The following DENND2C variants were observed in gnomAD, a reference collection of about 807,000 sequenced individuals.
DENND2C encodes the protein DENN domain-containing protein 2C.
A neutral mutation model predicts 112.4 loss-of-function variants in DENND2C; 72 were observed. The observed-to-expected ratio is 0.64, with a 90% CI of 0.53 to 0.78. The LOEUF is 0.78. DENND2C is among the 30% of genes least tolerant of loss of function. The pLI, the probability that DENND2C is intolerant of heterozygous loss-of-function variation, is 0.00. For synonymous variants in DENND2C, 329 were observed against 381.6 expected (o/e 0.86, Z 1.61); for missense variants, 992 against 1,113.8 (o/e 0.89, Z 1.56).
intron 19 of DENND2C, 49 bp from the exon 20 acceptor site, chr1:114,587,522 G>C (rs1201619339): frequency 1.9e-5 from 31 of 1,594,160 alleles, no homozygotes; most frequent in Non-Finnish European, 2.4e-5. Flanking sequence ...CTCCAGACTG[G>C]GAATTACATA....
intron 1 of DENND2C, among the ~76,000 whole-genome samples, chr1:114,668,331 T>C (rs777996885): frequency 6.6e-6 from 1 of 152,102 alleles, no homozygotes; most frequent in Non-Finnish European, 1.5e-5. Flanking sequence ...ACTAGTAACT[T>C]TCCCTCTACT....
rs767066128 is a variant in DENND2C, at chr1:114,608,707, G to A, written c.1536C>T (p.Val512=). The A allele has an allele frequency of 6.8e-6, 11 of 1,614,064 alleles. No homozygotes were observed. The highest frequency in any genetic ancestry group is 9.3e-6 in the Non-Finnish European group (11 of 1,180,008). Residue 512 remains valine (V), a synonymous_variant, in exon 10 of 21, where the codon GTC becomes GTT. Transcript: ENST00000393274. ...KPSGISYIPQ[V]IQQFPGKDDH... Reference sequence around the variant, plus strand: ...CTACCTTGCCAGGGAATTGTTGTATGACCTGGGGAATATAGCTTATTCCTG... The same window carrying A: ...CTACCTTGCCAGGGAATTGTTGTATAACCTGGGGAATATAGCTTATTCCTG...
At chr1:114,591,801 G>A (rs901143985) in intron 18 of DENND2C, among the ~76,000 whole-genome samples, 1 of 151,148 alleles carries the variant, frequency 6.6e-6, no homozygotes, top group Non-Finnish European at 1.5e-5. Flanking sequence ...TTTCTGTATA[G>A]TGTGAGGTGT....
chr1:114,648,831 CCA>C (rs1400778879), intron 2 of DENND2C, among the ~76,000 whole-genome samples: 3 of 152,136 alleles, frequency 2.0e-5, no homozygotes, highest in Admixed American at 6.5e-5. Context: ...CTACAAAATG[CCA>C]CAGTGTGGAA....
rs1281128434 is a variant in DENND2C at position 114,645,516 on chromosome 1, G to A, written c.-273C>T. 6.6e-6 allele frequency: 1 copy of A among 152,100 alleles called. No homozygotes were observed. The highest frequency in any genetic ancestry group is 2.4e-5 in the African/African-American group (1 of 41,414). The allele number at this position is 152,100 out of a possible 1,614,324, so 9.4% of individuals were successfully genotyped here. ...GTGAGAATATCAATCTCTGGCGTTT[G>A]AACCACTCAATCTGCGGTATTTGGT... On this transcript the variant is annotated 5_prime_UTR_variant, in exon 3 of 21. Coordinates refer to ENST00000393274, the MANE Select transcript of DENND2C (RefSeq NM_001256404.2).
At chr1:114,636,043 AAT>A (rs975034509) in intron 3 of DENND2C, among the ~76,000 whole-genome samples, 5 of 149,944 alleles carry the variant, frequency 3.3e-5, no homozygotes, top group African/African-American at 1.2e-4. Context: ...AAAAATATAT[AAT>A]ATATATATAA....
intron 3 of DENND2C, among the ~76,000 whole-genome samples, chr1:114,626,777 G>A (rs948685337): frequency 6.6e-6 from 1 of 151,928 alleles, no homozygotes; most frequent in Non-Finnish European, 1.5e-5. Flanking sequence ...CTCCAAAAGT[G>A]CTGGGATTAC....
At chr1:114,638,028 A>T (rs1656704357) in intron 3 of DENND2C, among the ~76,000 whole-genome samples, 1 of 152,208 alleles carries the variant, frequency 6.6e-6, no homozygotes, top group African/African-American at 2.4e-5. Context: ...TGGAGGGCAT[A>T]GACTACCTGA....
chr1:114,591,627 T>C (rs1292399659), intron 18 of DENND2C, among the ~76,000 whole-genome samples: 1 of 152,124 alleles, frequency 6.6e-6, no homozygotes, highest in African/African-American at 2.4e-5. Flanking sequence ...TTTAACACAG[T>C]CAAATTAACC....
rs200765223 is a variant in DENND2C, at chr1:114,600,202, A to G, written c.2105+2T>C. 2.5e-6 allele frequency: 4 copies of G among 1,613,014 alleles called. No individual in the cohort carries two copies. ...AAGTAACATATTTCACTTATTTCTT[A>G]CCTTAGGCTGTTGGCAACAAAGATT... On this transcript the variant is annotated splice_donor_variant, in intron 15 of 20. Coordinates refer to ENST00000393274, the MANE Select transcript of DENND2C (RefSeq NM_001256404.2). LOFTEE classifies it high-confidence loss of function.
intron 2 of DENND2C, among the ~76,000 whole-genome samples, chr1:114,647,161 T>TA (rs55989344): frequency 0.48 from 66,406 of 139,224 alleles, 16,319 homozygotes; most frequent in South Asian, 0.58. Context: ...GATTCTATCT[T>TA]AAAAAAAAAA....
At chr1:114,642,150 CCT>C (rs1456422091) in intron 3 of DENND2C, among the ~76,000 whole-genome samples, 1 of 152,028 alleles carries the variant, frequency 6.6e-6, no homozygotes, top group African/African-American at 2.4e-5. Context: ...CGGGTTTCAC[CCT>C]GTTGGGCCGG....
chr1:114,668,857 G>A (rs944598229), intron 1 of DENND2C, among the ~76,000 whole-genome samples: 2 of 152,078 alleles, frequency 1.3e-5, no homozygotes, highest in Non-Finnish European at 2.9e-5. Flanking sequence ...TCTTGATTTG[G>A]AACAATATTC....
rs1028476697 is a variant in DENND2C, at chr1:114,645,487, A to C, written c.-244T>G. The C allele has an allele frequency of 3.3e-5, 5 of 152,190 alleles. No individual in the cohort carries two copies. The highest frequency in any genetic ancestry group is 4.1e-4 in the South Asian group (2 of 4,830). 9.4% of individuals were successfully genotyped at this position (152,190 alleles called of 1,614,324 possible). Reference sequence around the variant, plus strand: ...GATGTTAGATTTCTACAGCCTCCAGACTTGTGAGAATATCAATCTCTGGCG... The same window carrying C: ...GATGTTAGATTTCTACAGCCTCCAGCCTTGTGAGAATATCAATCTCTGGCG... On this transcript the variant is annotated 5_prime_UTR_variant, in exon 3 of 21. Transcript: ENST00000393274.
intron 18 of DENND2C, among the ~76,000 whole-genome samples, chr1:114,590,639 G>A (rs1655159233): frequency 1.3e-5 from 2 of 151,856 alleles, no homozygotes; most frequent in South Asian, 4.2e-4. Flanking sequence ...TTAGCCGGGC[G>A]AGGTGGCAGG....
intron 14 of DENND2C, 46 bp from the exon 15 acceptor site, chr1:114,600,398 A>G (rs1323213430): frequency 6.2e-7 from 1 of 1,610,304 alleles, no homozygotes; most frequent in African/African-American, 1.3e-5. Context: ...TTGGAAAACA[A>G]TCCCTAGTGC....
chr1:114,648,507 A>G (rs1657060453), intron 2 of DENND2C, among the ~76,000 whole-genome samples: 1 of 152,194 alleles, frequency 6.6e-6, no homozygotes, highest in East Asian at 1.9e-4. Context: ...GCTGTATAAG[A>G]GAAGAATTAC....
chr1:114,662,288 G>GA (rs1324675126), intron 1 of DENND2C, among the ~76,000 whole-genome samples: 3 of 151,930 alleles, frequency 2.0e-5, no homozygotes, highest in African/African-American at 7.3e-5. Context: ...GGGAGATTTT[G>GA]TTTTTTACTC....
intron 1 of DENND2C, among the ~76,000 whole-genome samples, chr1:114,665,976 T>C (rs1246707596): frequency 6.6e-6 from 1 of 152,170 alleles, no homozygotes; most frequent in African/African-American, 2.4e-5. Flanking sequence ...ACATCTCCAC[T>C]TGAATGCTCC....
Sources: gnomAD v4.1 joint callset for allele counts (sites outside exome capture counted in the v4.1 genomes callset) on GRCh38, gnomAD v4.1.1 for gene constraint, MANE v1.5 for transcripts, NCBI Gene and HGNC (gene_info 2026-07-23, HGNC 2026-07-21) for gene names.